The following DISC1 variants were observed in gnomAD, a reference collection of about 807,000 sequenced individuals.
DISC1 encodes the protein disrupted in schizophrenia 1 protein.
Under a neutral mutation model 84.5 loss-of-function variants are expected in DISC1, and 57 were observed. That is an observed-to-expected ratio of 0.67 (90% CI 0.55 to 0.84). DISC1 has a LOEUF of 0.84. Among genes scored for constraint, DISC1 ranks in the 40% least tolerant of loss-of-function variants. The probability of loss-of-function intolerance (pLI) is 0.00; values close to 1 mark genes in which losing one functional copy is unlikely to be tolerated. For missense variants in DISC1, 1,000 were observed against 1,057.8 expected (o/e 0.95, Z 0.76); for synonymous variants, 411 against 415.2 (o/e 0.99, Z 0.12).
intron 3 of DISC1, among the ~76,000 whole-genome samples, chr1:231,735,755 G>A (rs956960930): frequency 3.3e-5 from 5 of 152,150 alleles, no homozygotes; most frequent in Non-Finnish European, 7.4e-5. Context: ...TCATAAAATT[G>A]TTGCTATTTT....
intron 12 of DISC1, among the ~76,000 whole-genome samples, chr1:232,029,952 G>C (rs569176636): frequency 6.6e-5 from 10 of 152,284 alleles, no homozygotes; most frequent in African/African-American, 2.4e-4. Context: ...AATCCAAGGA[G>C]GGAGAGGAAA....
At chr1:231,631,131 G>A (rs887343358) in intron 1 of DISC1, among the ~76,000 whole-genome samples, 49 of 152,184 alleles carry the variant, frequency 3.2e-4, no homozygotes, top group Non-Finnish European at 2.1e-4. Context: ...GTCAGATGAA[G>A]CTTCAAAACA....
intron 9 of DISC1, among the ~76,000 whole-genome samples, chr1:231,819,783 A>G (rs1311831853): frequency 6.6e-6 from 1 of 152,192 alleles, no homozygotes; most frequent in Non-Finnish European, 1.5e-5. Context: ...GATGGAAACT[A>G]CGGAATTTCT....
intron 1 of DISC1, among the ~76,000 whole-genome samples, chr1:231,674,419 A>T (rs1480889711): frequency 6.6e-6 from 1 of 152,248 alleles, no homozygotes; most frequent in Non-Finnish European, 1.5e-5. Context: ...GGATAAGACC[A>T]TGCTATCAAT....
intron 9 of DISC1, among the ~76,000 whole-genome samples, chr1:231,908,309 G>A (rs190770603): frequency 3.2e-4 from 49 of 152,254 alleles, no homozygotes; most frequent in Non-Finnish European, 5.9e-4. Flanking sequence ...ATGGTTTTAG[G>A]TCTAACATTT....
chr1:231,983,935 C>T (rs748818563), intron 10 of DISC1, among the ~76,000 whole-genome samples: 2 of 152,106 alleles, frequency 1.3e-5, no homozygotes, highest in Non-Finnish European at 2.9e-5. Flanking sequence ...TCTTCCAATT[C>T]CAATGAAATA....
intron 1 of DISC1, among the ~76,000 whole-genome samples, chr1:231,627,756 G>A (rs1384759482): frequency 6.6e-6 from 1 of 152,236 alleles, no homozygotes; most frequent in African/African-American, 2.4e-5. Context: ...TAACCTCTCA[G>A]AGCCTCAGTC....
chr1:231,769,166 A>C (rs1161702218), intron 5 of DISC1, among the ~76,000 whole-genome samples: 2 of 152,212 alleles, frequency 1.3e-5, no homozygotes, highest in Non-Finnish European at 2.9e-5. Flanking sequence ...TGACTCCTGT[A>C]TTAGGAATAG....
chr1:231,876,279 T>C (rs978987794), intron 9 of DISC1, among the ~76,000 whole-genome samples: 2 of 152,178 alleles, frequency 1.3e-5, no homozygotes, highest in Admixed American at 6.5e-5. Context: ...CCCCGCTTGC[T>C]CTCTTGCTCC....
chr1:231,858,776 C>T (rs2084438619), intron 9 of DISC1, among the ~76,000 whole-genome samples: 3 of 152,142 alleles, frequency 2.0e-5, no homozygotes, highest in African/African-American at 7.2e-5. Flanking sequence ...TGCTTCTGGC[C>T]TTCTTAGTAT....
At chr1:231,827,513 C>T (rs1165133667) in intron 9 of DISC1, among the ~76,000 whole-genome samples, 1 of 152,270 alleles carries the variant, frequency 6.6e-6, no homozygotes, top group East Asian at 1.9e-4. Context: ...ACATTCCTGC[C>T]ATTTTAGCTG....
chr1:231,800,069 T>G, intron 7 of DISC1, 39 bp from the exon 8 acceptor site: 1 of 1,522,728 alleles, frequency 6.6e-7, no homozygotes, highest in Non-Finnish European at 9.1e-7. Context: ...GATTTTTAGC[T>G]GAATAAATGA....
At chr1:231,787,747 C>T (rs1453636318) in intron 6 of DISC1, among the ~76,000 whole-genome samples, 1 of 152,216 alleles carries the variant, frequency 6.6e-6, no homozygotes, top group Non-Finnish European at 1.5e-5. Flanking sequence ...ATCTTGGCAG[C>T]ATGTTGGCAG....
At chr1:231,886,756 T>G (rs184552005) in intron 9 of DISC1, among the ~76,000 whole-genome samples, 8 of 97,594 alleles carry the variant, frequency 8.2e-5, no homozygotes, top group African/African-American at 3.0e-4. Context: ...TCTTCCTTTC[T>G]TCCTTCCTTC....
At chr1:231,723,780 A>G (rs2070222416) in intron 3 of DISC1, 1 of 985,352 alleles carries the variant, frequency 1.0e-6, no homozygotes, top group Non-Finnish European at 1.2e-6. Context: ...AAAGGCAAGA[A>G]CCGATGTTTC....
chr1:231,757,968 T>G (rs564579822), intron 4 of DISC1, among the ~76,000 whole-genome samples: 2 of 150,210 alleles, frequency 1.3e-5, no homozygotes, highest in African/African-American at 2.4e-5. Flanking sequence ...CAGGCCTGTC[T>G]GCACAGGTGT....
At chr1:231,917,604 A>G (rs920730942) in intron 9 of DISC1, among the ~76,000 whole-genome samples, 5 of 152,314 alleles carry the variant, frequency 3.3e-5, no homozygotes, top group African/African-American at 1.2e-4. Context: ...CAGGACTGAC[A>G]GTTCCTTCCT....
intron 1 of DISC1, chr1:231,670,569 A>C (rs1263663856): frequency 6.6e-6 from 1 of 152,224 alleles, no homozygotes; most frequent in Non-Finnish European, 1.5e-5. Flanking sequence ...GTCAAATATT[A>C]GTTTTTTCAT....
intron 9 of DISC1, among the ~76,000 whole-genome samples, chr1:231,952,704 T>TAA (rs1030775470): frequency 1.4e-5 from 2 of 141,564 alleles, no homozygotes; most frequent in Non-Finnish European, 3.0e-5. Flanking sequence ...TATATATATA[T>TAA]ATATATATAT....
Sources: gnomAD v4.1 joint callset for allele counts (sites outside exome capture counted in the v4.1 genomes callset) on GRCh38, gnomAD v4.1.1 for gene constraint, MANE v1.5 for transcripts, NCBI Gene and HGNC (gene_info 2026-07-23, HGNC 2026-07-21) for gene names.